MCM7: variants seen among roughly 807,000 people sequenced by gnomAD.
The protein encoded by MCM7 is DNA replication licensing factor MCM7.
In MCM7, 95 loss-of-function variants were observed where a neutral mutation model predicts 83.5. That is an observed-to-expected ratio of 1.14 (90% confidence interval 0.96 to 1.35). The LOEUF (loss-of-function observed/expected upper bound fraction) is 1.35. MCM7 is among the 40% of genes most tolerant of loss of function. The pLI is 0.00. For synonymous variants in MCM7, 461 were observed against 352.7 expected (o/e 1.31, Z -3.44); for missense variants, 1,087 against 957.4 (o/e 1.14, Z -1.79).
chr7:100,100,129 T>G (rs1479416146), intron 1 of MCM7, 36 bp from the exon 2 acceptor site: 1 of 1,608,626 alleles, frequency 6.2e-7, no homozygotes, highest in East Asian at 2.2e-5. Context: ...AGACACAAAC[T>G]TTAAGACAAA....
In MCM7 at chr7:100,100,678, C is replaced by T. The variant is rs369260648; in HGVS notation, c.32-585G>A. 9 of 990,144 alleles carry T rather than the reference C, an allele frequency of 9.1e-6. No individual in the cohort carries two copies. The South Asian group carries it at 2.2e-4, about 25-fold the overall frequency. 61.3% of individuals were successfully genotyped at this position (990,144 alleles called of 1,614,324 possible). A position where few individuals can be genotyped will look rare whatever the true frequency, so the allele number is the denominator to read the frequency against. On this transcript the variant is annotated intron_variant, in intron 1 of 14. Coordinates refer to ENST00000303887, the MANE Select transcript of MCM7 (RefSeq NM_005916.5). Reference sequence around the variant, plus strand: ...CCGCCTTTCCCGGGCCCGAGCGAAGCTCCGGATCCCAGGCACGCCCCCCCG... The same window carrying T: ...CCGCCTTTCCCGGGCCCGAGCGAAGTTCCGGATCCCAGGCACGCCCCCCCG...
chr7:100,094,231 T>C lies in MCM7; in HGVS notation c.1790A>G (p.Asp597Gly), dbSNP rs779459025. 1.2e-6 allele frequency: 2 copies of C among 1,614,158 alleles called. No homozygotes were observed. The highest frequency in any genetic ancestry group is 1.7e-6 in the Non-Finnish European group (2 of 1,180,032). ...EMRREAWASK[D>G]ATYTSARTLL... ...GGTCCGGGCAGAAGTATAGGTGGCA[T>C]CCTTACTAGCCCAAGCCTCTCGCCT... Residue 597 changes from aspartate to glycine, a missense_variant, in exon 13 of 15, where the codon GAT (aspartate) becomes GGT (glycine). Transcript: ENST00000303887.
Position 100,099,410 on chromosome 7 carries a change from GAGA to G in MCM7, c.277-10_277-8del, listed in dbSNP as rs768531340. ...GGACATCTTTATTTACCACCTAAAG[GAGA>G]AGAACAAAAAAAAAAAAAAAAAAGA... On this transcript the variant is annotated splice_polypyrimidine_tract_variant and splice_region_variant and intron_variant, in intron 3 of 14. Transcript: ENST00000303887. 10 of 1,425,194 alleles carry G rather than the reference GAGA, an allele frequency of 7.0e-6. No homozygotes were observed. Among genetic ancestry groups the G allele is most frequent in the Non-Finnish European group, 9.4e-6 (10 of 1,060,170 alleles). 88.3% of individuals were successfully genotyped at this position (1,425,194 alleles called of 1,614,324 possible).
chr7:100,100,420 AT>A, intron 1 of MCM7: 6 of 1,030,078 alleles, frequency 5.8e-6, no homozygotes, highest in Non-Finnish European at 7.0e-6. Flanking sequence ...CACCCCTATG[AT>A]CCCCCGCCTT....
Position 100,094,149 on chromosome 7 carries a change from C to T in MCM7, c.1848+24G>A, listed in dbSNP as rs1795490094. The T allele has an allele frequency of 1.9e-6, 3 of 1,613,984 alleles. No homozygotes were observed. The East Asian group carries it at 6.7e-5, about 36-fold the overall frequency. On this transcript the variant is annotated intron_variant, in intron 13 of 14. Transcript: ENST00000303887. Reference sequence around the variant, plus strand: ...CCCCTTTAAGGGTCAAAACAGATGGCCCTCCAGCAATTTGGGCACTTACCA... The same window carrying T: ...CCCCTTTAAGGGTCAAAACAGATGGTCCTCCAGCAATTTGGGCACTTACCA...
In MCM7 at chr7:100,097,735, G is replaced by C. The variant is rs531721476; in HGVS notation, c.996C>G (p.Phe332Leu). 3 of 1,614,204 alleles carry C rather than the reference G, an allele frequency of 1.9e-6. No homozygotes were observed. The highest frequency in any genetic ancestry group is 2.5e-6 in the Non-Finnish European group (3 of 1,180,044). Reference sequence around the variant, plus strand: ...CGATTGAAGCTGCCAGCTTTTCGTAGAAATCCTCCTCTGTAGAGAAGTTAA... The same window carrying C: ...CGATTGAAGCTGCCAGCTTTTCGTACAAATCCTCCTCTGTAGAGAAGTTAA... ...EELRQIAEED[F>L]YEKLAASIAP... Residue 332 changes from phenylalanine to leucine, a missense_variant, in exon 9 of 15, where the codon TTC becomes TTG. Transcript: ENST00000303887.
At chr7:100,095,629 C>T (rs1795587769) in intron 11 of MCM7, 145 bp downstream of exon 11, 7 of 1,336,394 alleles carry the variant, frequency 5.2e-6, no homozygotes, top group Non-Finnish European at 6.1e-6. Context: ...CCCACCATTT[C>T]CCTGAGAACC....
Position 100,097,623 on chromosome 7 carries a change from TCATGCCTCGAGGAGACTGGTC to T in MCM7, c.1087_1107del (p.Asp363_Met369del). 6.2e-7 allele frequency: 1 copy of T among 1,613,874 alleles called. No homozygotes were observed. The highest frequency in any genetic ancestry group is 8.5e-7 in the Non-Finnish European group (1 of 1,180,038). ...CCTTGTTTCTTCTTACCCCGGATTT[TCATGCCTCGAGGAGACTGGTC>T]CACACCCCCGACTAGCAGGAGCAGC... On this transcript the variant is annotated inframe_deletion, in exon 9 of 15. Transcript: ENST00000303887.
chr7:100,100,218 T>C (rs1214455493), intron 1 of MCM7, 125 bp from the exon 2 acceptor site: 1 of 1,451,968 alleles, frequency 6.9e-7, no homozygotes, highest in Non-Finnish European at 9.1e-7. Flanking sequence ...CCTACCGAAG[T>C]CTCCCCAAAG....
At position 100,093,316 on chromosome 7, in the gene MCM7, A is replaced by G; in HGVS notation, c.1934T>C (p.Leu645Pro). 6.2e-7 allele frequency: 1 copy of G among 1,614,004 alleles called. No individual in the cohort carries two copies. Among genetic ancestry groups the G allele is most frequent in the Non-Finnish European group, 8.5e-7 (1 of 1,180,000 alleles). Residue 645 changes from leucine (L) to proline (P), a missense_variant, in exon 14 of 15, where the codon CTA (leucine) becomes CCA (proline). By Grantham distance (98) the Leu-to-Pro change is moderately conservative. Coordinates refer to ENST00000303887, the MANE Select transcript of MCM7 (RefSeq NM_005916.5). Reference protein sequence around the residue: ...RLMEMSKDSLLGDKGQTARTQ... With the variant: ...RLMEMSKDSLPGDKGQTARTQ... Reference sequence around the variant, plus strand: ...CCTAGCTGTCTGCCCCTTGTCTCCTAGAAGAGAGTCCTTTGACATCTCCAT... The same window carrying G: ...CCTAGCTGTCTGCCCCTTGTCTCCTGGAAGAGAGTCCTTTGACATCTCCAT...
chr7:100,093,713 A>G (rs1795456294), intron 13 of MCM7: 1 of 664,568 alleles, frequency 1.5e-6, no homozygotes, highest in East Asian at 3.3e-5. Context: ...CCCCAGCATG[A>G]CAGATGGAGC....
In MCM7 at chr7:100,095,855, A is replaced by G; in HGVS notation, c.1514T>C (p.Ile505Thr). 1.2e-6 allele frequency: 2 copies of G among 1,612,952 alleles called. No individual in the cohort carries two copies. The highest frequency in any genetic ancestry group is 1.7e-6 in the Non-Finnish European group (2 of 1,179,846). Residue 505 changes from isoleucine (I) to threonine (T), a missense_variant, in exon 11 of 15, where the codon ATA (isoleucine) becomes ACA (threonine). Physicochemically the swap from Ile to Thr is moderately conservative, Grantham distance 89. Transcript: ENST00000303887. ...YNPRRSLEQNIQLPAALLSRF... is the reference protein window; with the variant it reads ...YNPRRSLEQNTQLPAALLSRF... ...GGAGAGCAGTGCAGCAGGTAGCTGTATGTTCTGCTCCAGGCTGCGGCGAGG... is the reference window on the plus strand; with the variant it reads ...GGAGAGCAGTGCAGCAGGTAGCTGTGTGTTCTGCTCCAGGCTGCGGCGAGG...
chr7:100,093,429 G>A (rs1795430073), intron 13 of MCM7, 28 bp from the exon 14 acceptor site: 4 of 1,599,532 alleles, frequency 2.5e-6, no homozygotes, highest in Non-Finnish European at 2.6e-6. Context: ...GGGAAAGATG[G>A]GAACGGGAGG....
intron 1 of MCM7, 188 bp downstream of exon 1, chr7:100,101,076 C>T: frequency 4.0e-6 from 3 of 750,156 alleles, no homozygotes; most frequent in South Asian, 3.6e-5. Context: ...TTTTCTTCAA[C>T]ATCGATGGCC....
At chr7:100,101,151 C>G in intron 1 of MCM7, 113 bp downstream of exon 1, 1 of 1,356,618 alleles carries the variant, frequency 7.4e-7, no homozygotes, top group South Asian at 1.2e-5. Flanking sequence ...CCTCTGGCCT[C>G]GCGCACCCCA....
chr7:100,096,413 G>A (rs1270718726), intron 10 of MCM7, among the ~76,000 whole-genome samples: 1 of 152,014 alleles, frequency 6.6e-6, no homozygotes, highest in African/African-American at 2.4e-5. Flanking sequence ...GCCATCCTCC[G>A]GCCTCAGCCT....
intron 1 of MCM7, 29 bp downstream of exon 1, chr7:100,101,235 G>A (rs1796006961): frequency 6.2e-7 from 1 of 1,612,582 alleles, no homozygotes; most frequent in Non-Finnish European, 8.5e-7. Context: ...CCCCGCGCAG[G>A]ACGCCCTCCC....
At chr7:100,093,192 CAG>C in intron 14 of MCM7, 59 bp from the exon 15 acceptor site, 1 of 1,600,942 alleles carries the variant, frequency 6.2e-7, no homozygotes. Flanking sequence ...TCGACATCAA[CAG>C]AGAACAATGG....
chr7:100,099,123 A>G lies in MCM7; in HGVS notation c.482T>C (p.Val161Ala). The part of the protein sequence containing the change: ...EVRADSVGKL[V>A]TVRGIVTRVS... ...ACGAGTGACGATTCCACGCACAGTTACCAACTTCCCCACAGAGTCAGCCCG... is the reference window on the plus strand; with the variant it reads ...ACGAGTGACGATTCCACGCACAGTTGCCAACTTCCCCACAGAGTCAGCCCG... Residue 161 changes from valine to alanine, a missense_variant, in exon 5 of 15, where the codon GTA becomes GCA. Coordinates refer to ENST00000303887, the MANE Select transcript of MCM7 (RefSeq NM_005916.5). 1 of 1,614,128 alleles carries G rather than the reference A, an allele frequency of 6.2e-7. No individual in the cohort carries two copies. Among genetic ancestry groups the G allele is most frequent in the Non-Finnish European group, 8.5e-7 (1 of 1,180,032 alleles).
Sources: allele counts gnomAD v4.1 joint callset (sites outside exome capture counted in the v4.1 genomes callset), GRCh38; gene constraint gnomAD v4.1.1; transcripts MANE v1.5; gene names NCBI Gene and HGNC (gene_info 2026-07-23, HGNC 2026-07-21).